Variants in DCK observed in about 807,000 individuals in gnomAD.
DCK encodes deoxyadenosine kinase.
DCK carries 23 observed loss-of-function variants against 38.3 expected under a neutral mutation model. The ratio of observed to expected loss-of-function variants is 0.60; its 90% CI spans 0.43 to 0.85. DCK has a LOEUF of 0.85. Ranked by LOEUF, DCK falls within the 40% of genes least tolerant of loss-of-function variation. The pLI is 0.00. For missense variants in DCK, 259 were observed against 304.4 expected (o/e 0.85, Z 1.11); for synonymous variants, 108 against 100.6 (o/e 1.07, Z -0.44).
intron 6 of DCK, 112 bp downstream of exon 6, chr4:71,026,867 A>G: frequency 1.7e-6 from 1 of 588,036 alleles, no homozygotes; most frequent in Non-Finnish European, 3.0e-6. Flanking sequence ...ATTAAGAAAC[A>G]GTTAAGAGCT....
intron 6 of DCK, chr4:71,028,588 G>A (rs1026520310): frequency 2.4e-6 from 1 of 414,712 alleles, no homozygotes; most frequent in Admixed American, 2.9e-5. Context: ...TACTACTGAA[G>A]TATTTAACAA....
At chr4:71,020,032 C>G (rs1333891655) in intron 2 of DCK, among the ~76,000 whole-genome samples, 1 of 152,198 alleles carries the variant, frequency 6.6e-6, no homozygotes, top group African/African-American at 2.4e-5. Context: ...AGGTGATCTG[C>G]CTGCCTCGGC....
Position 71,026,712 on chromosome 4 carries a change from T to A in DCK, c.713T>A (p.Val238Asp). The change falls in exon 6 of 7, where the codon GTT becomes GAT. Residue 238 changes from valine to aspartate, a missense_variant. Transcript: ENST00000286648. Reference sequence around the variant, plus strand: ...GAGGTGCCTATCTTAACACTGGATGTTAATGAAGACTTTAAAGACAAATAT... The same window carrying A: ...GAGGTGCCTATCTTAACACTGGATGATAATGAAGACTTTAAAGACAAATAT... ...LQEVPILTLDVNEDFKDKYES... is the reference protein window; with the variant it reads ...LQEVPILTLDDNEDFKDKYES... 1.3e-6 allele frequency: 2 copies of A among 1,584,592 alleles called. No homozygotes were observed. Among genetic ancestry groups the A allele is most frequent in the South Asian group, 2.3e-5 (2 of 88,886 alleles).
intron 2 of DCK, among the ~76,000 whole-genome samples, chr4:71,016,016 T>C (rs1283475576): frequency 2.0e-5 from 3 of 152,174 alleles, no homozygotes; most frequent in Admixed American, 6.5e-5. Flanking sequence ...GATGACATGA[T>C]TGTATATTTA....
At chr4:71,016,447 A>T (rs1272335009) in intron 2 of DCK, among the ~76,000 whole-genome samples, 92 of 152,046 alleles carry the variant, frequency 6.1e-4, no homozygotes, top group Admixed American at 5.1e-3. Flanking sequence ...AAAGTTCATA[A>T]GGAACCAAAA....
At position 71,022,201 on chromosome 4, in the gene DCK, G is replaced by GA. The variant is rs1740442408; in HGVS notation, c.208-161dup. 2.6e-5 allele frequency among the ~76,000 whole-genome samples: 4 copies of GA among 152,134 alleles called. No homozygotes were observed. In the South Asian group the frequency reaches 8.3e-4, roughly 31 times the overall value. The stretch of plus-strand genomic sequence containing the variant: ...GGATTTTCCAGACCTCAGACAATCT[G>GA]AAAAATATATTGGGAAAGAGTATGA... On this transcript the variant is annotated intron_variant, in intron 2 of 6. Coordinates refer to ENST00000286648, the MANE Select transcript of DCK (RefSeq NM_000788.3).
intron 3 of DCK, 138 bp from the exon 4 acceptor site, chr4:71,023,421 G>GT: frequency 3.4e-6 from 2 of 588,036 alleles, no homozygotes; most frequent in Non-Finnish European, 5.8e-6. Context: ...ATGATGGAAA[G>GT]ACTCTTGTCT....
chr4:71,016,863 A>G (rs1445188116), intron 2 of DCK, among the ~76,000 whole-genome samples: 4 of 152,260 alleles, frequency 2.6e-5, no homozygotes, highest in Non-Finnish European at 4.4e-5. Flanking sequence ...TATTTGGGAC[A>G]TAGGCATGGG....
At chr4:71,025,128 C>T (rs536368656) in intron 4 of DCK, among the ~76,000 whole-genome samples, 2 of 152,144 alleles carry the variant, frequency 1.3e-5, no homozygotes, top group Admixed American at 6.5e-5. Flanking sequence ...TATGAGCCCC[C>T]ACAAATTATA....
intron 2 of DCK, among the ~76,000 whole-genome samples, chr4:71,018,126 C>CTTTTTTTT (rs35755135): frequency 7.9e-6 from 1 of 126,836 alleles, no homozygotes; most frequent in Non-Finnish European, 1.6e-5. Flanking sequence ...TAGATTATTT[C>CTTTTTTTT]TTTTTTTTTT....
chr4:71,026,548 T>G, intron 5 of DCK, 117 bp from the exon 6 acceptor site: 1 of 665,602 alleles, frequency 1.5e-6, no homozygotes, highest in South Asian at 1.7e-5. Flanking sequence ...AAAGTAACTT[T>G]AGTGTAAATG....
At chr4:71,023,288 ATGTT>A (rs1326352644) in intron 3 of DCK, among the ~76,000 whole-genome samples, 2 of 152,160 alleles carry the variant, frequency 1.3e-5, no homozygotes, top group African/African-American at 4.8e-5. Flanking sequence ...CTGTTATGGT[ATGTT>A]TGTTTGTTTG....
chr4:71,026,786 T>C (rs961170674), intron 6 of DCK, 31 bp downstream of exon 6: 11 of 1,154,222 alleles, frequency 9.5e-6, no homozygotes, highest in Non-Finnish European at 1.4e-5. Flanking sequence ...AACAAATATT[T>C]GTTTTTTCTA....
chr4:71,000,783 A>G (rs899872514), intron 2 of DCK, among the ~76,000 whole-genome samples: 5 of 152,192 alleles, frequency 3.3e-5, no homozygotes, highest in African/African-American at 7.2e-5. Context: ...CTTTGTAGCA[A>G]TTGTGAATGG....
chr4:71,011,039 C>T (rs992327122), intron 2 of DCK, among the ~76,000 whole-genome samples: 2 of 150,850 alleles, frequency 1.3e-5, no homozygotes, highest in South Asian at 2.1e-4. Flanking sequence ...CAGGTTCAAG[C>T]GATTTTCCTG....
intron 2 of DCK, among the ~76,000 whole-genome samples, chr4:71,015,264 C>G (rs182220598): frequency 2.0e-4 from 31 of 152,318 alleles, no homozygotes; most frequent in African/African-American, 7.2e-4. Context: ...AAACCCATAA[C>G]AAGCTCTGGA....
At chr4:71,026,614 C>CT (rs747104239) in intron 5 of DCK, 51 bp from the exon 6 acceptor site, 134 of 900,858 alleles carry the variant, frequency 1.5e-4, no homozygotes, top group Admixed American at 2.3e-4. Flanking sequence ...ATGTTTCTCT[C>CT]TTTTTTTTGT....
At chr4:71,006,833 A>T (rs1560681703) in intron 2 of DCK, among the ~76,000 whole-genome samples, 1 of 152,210 alleles carries the variant, frequency 6.6e-6, no homozygotes. Flanking sequence ...GAAAGCAGTA[A>T]GGCAGAAACC....
intron 2 of DCK, among the ~76,000 whole-genome samples, chr4:71,013,421 A>C (rs1286791767): frequency 1.3e-5 from 2 of 152,060 alleles, no homozygotes; most frequent in Admixed American, 6.6e-5. Context: ...CCACAAAGAT[A>C]CTCCTCGAGA....
Sources: allele counts gnomAD v4.1 joint callset (sites outside exome capture counted in the v4.1 genomes callset), GRCh38; gene constraint gnomAD v4.1.1; transcripts MANE v1.5; gene names NCBI Gene and HGNC (gene_info 2026-07-23, HGNC 2026-07-21).